CLIC5: variants seen among roughly 807,000 people sequenced by gnomAD.
CLIC5 encodes CLIC family member 5.
CLIC5 carries 20 observed loss-of-function variants against 24.7 expected under a neutral mutation model. The observed-to-expected ratio is 0.81, with a 90% confidence interval of 0.57 to 1.18. The LOEUF (loss-of-function observed/expected upper bound fraction) is 1.18. CLIC5 is among the 50% of genes most tolerant of loss of function. CLIC5 has a pLI of 0.00. For synonymous variants in CLIC5, 159 were observed against 135.6 expected (o/e 1.17, Z -1.20); for missense variants, 341 against 326.1 (o/e 1.05, Z -0.35).
upstream of CLIC5, chr6:46,015,900 T>C (rs1486024446): frequency 2.0e-6 from 2 of 1,019,350 alleles, no homozygotes; most frequent in East Asian, 8.7e-5. Context: ...AGCCGGCGGC[T>C]GCAGGGCGGG....
chr6:46,015,641 C>G lies in CLIC5; in HGVS notation c.-99G>C. On this transcript the variant is annotated 5_prime_UTR_variant, in exon 1 of 6. Transcript: ENST00000339561. ...GCTCCTGCCGCTGCCCAGCGGGGCT[C>G]CTCTTCAGGGCGGTGTTTAATTTTT... 1.5e-6 allele frequency: 2 copies of G among 1,375,564 alleles called. No individual in the cohort carries two copies. Among genetic ancestry groups the G allele is most frequent in the South Asian group, 1.7e-5 (1 of 59,746 alleles). 85.2% of individuals were successfully genotyped at this position (1,375,564 alleles called of 1,614,324 possible).
the CLIC5 span, among the ~76,000 whole-genome samples, chr6:46,096,528 A>T: frequency 6.6e-6 from 1 of 152,332 alleles, no homozygotes; most frequent in East Asian, 1.9e-4. Context: ...GGGCTTGCTC[A>T]TATGGCTGTT....
At position 46,015,239 on chromosome 6, in the gene CLIC5, A is replaced by G. The variant is rs9472662; in HGVS notation, c.63+241T>C. ...CGCAGCGGTGACAGCGGAGGCGGGG[A>G]CGGGGGTGGACAAACTGCGGATCAA... is the stretch of plus-strand genomic sequence containing the variant. On this transcript the variant is annotated intron_variant, in intron 1 of 5. Coordinates refer to ENST00000339561, the MANE Select transcript of CLIC5 (RefSeq NM_016929.5). 0.19 allele frequency among the ~76,000 whole-genome samples: 29,078 copies of G among 151,968 alleles called. 3,629 individuals are homozygous for G. Among genetic ancestry groups the G allele is most frequent in the African/African-American group, 0.36 (14,717 of 41,416 alleles).
intron 1 of CLIC5, among the ~76,000 whole-genome samples, chr6:45,984,940 C>T (rs577320249): frequency 2.6e-5 from 4 of 152,310 alleles, no homozygotes; most frequent in South Asian, 2.1e-4. Flanking sequence ...CCATCCTTGA[C>T]GTCATAGCTG....
At chr6:46,053,465 T>A (rs1251566246) in intron 1 of CLIC5, among the ~76,000 whole-genome samples, 1 of 152,204 alleles carries the variant, frequency 6.6e-6, no homozygotes, top group Non-Finnish European at 1.5e-5. Flanking sequence ...TGAAAGTATG[T>A]AGGTGGAAGA....
At chr6:45,928,638 T>G (rs2127346531) in intron 4 of CLIC5, among the ~76,000 whole-genome samples, 1 of 152,366 alleles carries the variant, frequency 6.6e-6, no homozygotes, top group Middle Eastern at 3.4e-3. Flanking sequence ...GAATATATTG[T>G]GTCCCATCAT....
At chr6:45,973,863 G>A (rs1013896668) in intron 1 of CLIC5, among the ~76,000 whole-genome samples, 4 of 151,534 alleles carry the variant, frequency 2.6e-5, no homozygotes, top group African/African-American at 9.7e-5. Flanking sequence ...CCAGGAGGCA[G>A]AGGTTGCAGT....
intron 1 of CLIC5, among the ~76,000 whole-genome samples, chr6:46,043,122 C>A (rs1938263685): frequency 6.6e-6 from 1 of 152,132 alleles, no homozygotes; most frequent in South Asian, 2.1e-4. Context: ...GTCATTAGCA[C>A]CAACAGAGTT....
intron 1 of CLIC5, among the ~76,000 whole-genome samples, chr6:46,042,026 A>G (rs1442556307): frequency 1.3e-5 from 2 of 152,208 alleles, no homozygotes; most frequent in African/African-American, 4.8e-5. Context: ...TATAATGGGA[A>G]TATTAGACCA....
At chr6:46,090,405 G>T in the CLIC5 span, among the ~76,000 whole-genome samples, 921 of 130,884 alleles carry the variant, frequency 7.0e-3, 11 homozygotes, top group African/African-American at 0.021. Context: ...AACTTGATGG[G>T]TTTTTTTTTT....
rs370643430 is a variant in CLIC5, at chr6:45,996,995, C to T, written c.63+18485G>A. Among the ~76,000 whole-genome samples, 282 of 152,192 alleles carry T rather than the reference C, an allele frequency of 1.9e-3. 7 individuals carry two copies. In the East Asian group the frequency reaches 0.051, roughly 27 times the overall value. ...GAAATACCATTTGACCCAGCCATCC[C>T]ATTACTGGGTATATACCCAAAAGAC... On this transcript the variant is annotated intron_variant, in intron 1 of 5. Coordinates refer to ENST00000339561, the MANE Select transcript of CLIC5 (RefSeq NM_016929.5).
intron 1 of CLIC5, among the ~76,000 whole-genome samples, chr6:45,981,761 T>G (rs1765575560): frequency 6.6e-6 from 1 of 152,114 alleles, no homozygotes; most frequent in Non-Finnish European, 1.5e-5. Context: ...TCCCAGCATT[T>G]TGGGAGGCCA....
chr6:45,914,662 A>G, intron 4 of CLIC5: 2 of 553,426 alleles, frequency 3.6e-6, no homozygotes, highest in Non-Finnish European at 4.8e-6. Context: ...ACATAAATAT[A>G]GAAACACAGT....
chr6:46,112,303 G>T, the CLIC5 span, among the ~76,000 whole-genome samples: 3 of 152,024 alleles, frequency 2.0e-5, no homozygotes, highest in Non-Finnish European at 4.4e-5. Context: ...TATCTTAAAA[G>T]GTCTAAAAGA....
chr6:45,896,768 G>A (rs9369588), downstream of CLIC5, among the ~76,000 whole-genome samples: 69,457 of 151,854 alleles, frequency 0.46, 16,458 homozygotes, highest in African/African-American at 0.58. Flanking sequence ...TCACAGAACC[G>A]TTAAGGAAAC....
chr6:45,939,216 T>TC (rs1764043610), intron 4 of CLIC5, among the ~76,000 whole-genome samples: 1 of 137,762 alleles, frequency 7.3e-6, no homozygotes, highest in Non-Finnish European at 1.5e-5. Context: ...TCTCCTCTCC[T>TC]CTTTTTTTTT....
rs1762288862 is a variant in CLIC5 at position 46,061,703 on chromosome 6, T to G, written c.540+18000A>C. ...TTGGATTTTGACAGCTTTATGGAGATTTGTAAGGGCTGTTTGCTTTGCCTA... is the reference window on the plus strand; with the variant it reads ...TTGGATTTTGACAGCTTTATGGAGAGTTGTAAGGGCTGTTTGCTTTGCCTA... On this transcript the variant is annotated intron_variant, in intron 1 of 5. Transcript: ENST00000185206. 2.0e-5 allele frequency among the ~76,000 whole-genome samples: 3 copies of G among 152,194 alleles called. 1 individual carries two copies. The South Asian group carries it at 6.2e-4, about 31-fold the overall frequency.
chr6:46,016,853 C>T (rs945673365), upstream of CLIC5, among the ~76,000 whole-genome samples: 2 of 152,188 alleles, frequency 1.3e-5, no homozygotes, highest in Admixed American at 1.3e-4. Context: ...GCTTCTTTCG[C>T]TCATTACTAT....
chr6:46,049,080 G>C (rs901244967), intron 1 of CLIC5, among the ~76,000 whole-genome samples: 1 of 152,186 alleles, frequency 6.6e-6, no homozygotes, highest in African/African-American at 2.4e-5. Flanking sequence ...AGGCAGATTT[G>C]GGAAAGATAG....
Sources: allele counts gnomAD v4.1 joint callset (sites outside exome capture counted in the v4.1 genomes callset), GRCh38; gene constraint gnomAD v4.1.1; transcripts MANE v1.5; gene names NCBI Gene and HGNC (gene_info 2026-07-23, HGNC 2026-07-21).